Variants in RBM4 observed in about 807,000 individuals in gnomAD.
The protein encoded by RBM4 is RNA-binding protein 4.
Under a neutral mutation model 29.5 loss-of-function variants are expected in RBM4, and 7 were observed. That is an observed-to-expected ratio of 0.24 (90% CI 0.14 to 0.45). The LOEUF (loss-of-function observed/expected upper bound fraction) is 0.45, where lower values mean the gene tolerates loss of function less well. RBM4 is among the 20% of genes least tolerant of loss of function. The pLI is 1.00. For missense variants in RBM4, 387 were observed against 502.3 expected (o/e 0.77, Z 2.19); for synonymous variants, 220 against 205.4 (o/e 1.07, Z -0.61).
At chr11:66,652,025 C>T (rs890045733) in intron 2 of RBM4, among the ~76,000 whole-genome samples, 5 of 152,054 alleles carry the variant, frequency 3.3e-5, no homozygotes, top group Admixed American at 1.3e-4. Context: ...TAGTTATGAT[C>T]GTAGCAGCTC....
chr11:66,650,069 C>G (rs911552673), downstream of RBM4: 3 of 419,050 alleles, frequency 7.2e-6, no homozygotes, highest in African/African-American at 4.1e-5. Context: ...CCTCACTGTG[C>G]CTCCACAAGC....
intron 3 of RBM4, among the ~76,000 whole-genome samples, chr11:66,645,706 G>C (rs1379178684): frequency 3.3e-5 from 5 of 152,042 alleles, no homozygotes; most frequent in Non-Finnish European, 7.4e-5. Flanking sequence ...TCTGCTGACA[G>C]CTTGTGATGT....
rs138490390 is a variant in RBM4 at position 66,652,671 on chromosome 11, C to T, written c.412+12548C>T. 8.5e-5 allele frequency among the ~76,000 whole-genome samples: 13 copies of T among 152,260 alleles called. 1 individual carries two copies. Among genetic ancestry groups the T allele is most frequent in the East Asian group, 1.9e-4 (1 of 5,186 alleles). ...TGCAAATCTGACAGGAATAGGGACT[C>T]GTGTTACTTTATGGCAGGTAAATAG... is the stretch of plus-strand genomic sequence containing the variant. On this transcript the variant is annotated intron_variant, in intron 2 of 2. Transcript: ENST00000396053.
exon 3 of RBM4, chr11:66,666,181 A>C (rs1005301733): frequency 2.4e-5 from 20 of 842,372 alleles, no homozygotes; most frequent in Non-Finnish European, 3.2e-5. Context: ...TTGCCAAATC[A>C]AAAGAAATCA....
At chr11:66,661,413 C>A (rs1939081257) in intron 2 of RBM4, among the ~76,000 whole-genome samples, 1 of 152,162 alleles carries the variant, frequency 6.6e-6, no homozygotes, top group Admixed American at 6.5e-5. Context: ...ATCTTGCAGG[C>A]AGCCAACCTT....
chr11:66,660,820 A>AT (rs1446636369), intron 2 of RBM4, among the ~76,000 whole-genome samples: 4 of 151,180 alleles, frequency 2.6e-5, no homozygotes, highest in African/African-American at 7.3e-5. Context: ...TACCTGGCTA[A>AT]TTTTTTTTGT....
chr11:66,642,433 TAA>T (rs1938508301), intron 2 of RBM4, among the ~76,000 whole-genome samples: 1 of 152,244 alleles, frequency 6.6e-6, no homozygotes, highest in African/African-American at 2.4e-5. Context: ...AGAGACTTAC[TAA>T]AACTTAGTTT....
At chr11:66,650,979 A>G (rs1220950626), downstream of RBM4, among the ~76,000 whole-genome samples, 1 of 152,196 alleles carries the variant, frequency 6.6e-6, no homozygotes, top group Non-Finnish European at 1.5e-5. Flanking sequence ...CAGAGATGGC[A>G]TCACTGGACT....
intron 3 of RBM4, 53 bp from the exon 4 acceptor site, chr11:66,645,974 G>A: frequency 1.3e-6 from 2 of 1,535,718 alleles, no homozygotes; most frequent in South Asian, 1.2e-5. Context: ...GTTTTAAATG[G>A]GAAAGCCCTT....
At chr11:66,649,678 G>T (rs963215433), downstream of RBM4, 7 of 695,078 alleles carry the variant, frequency 1.0e-5, no homozygotes, top group Non-Finnish European at 1.8e-5. Flanking sequence ...AATTGACAAG[G>T]TTATGCTGCC....
At chr11:66,656,478 TGTCA>T (rs1373042988) in intron 2 of RBM4, among the ~76,000 whole-genome samples, 1 of 152,098 alleles carries the variant, frequency 6.6e-6, no homozygotes, top group Non-Finnish European at 1.5e-5. Flanking sequence ...GGATTCTCCA[TGTCA>T]GTCAGACTGG....
rs1267407772 is a variant in RBM4, at chr11:66,646,094, C to T, written c.*76C>T. On this transcript the variant is annotated 3_prime_UTR_variant, in exon 4 of 4. Transcript: ENST00000310092. The stretch of plus-strand genomic sequence containing the variant: ...TGAGAATACACCCTTCGTGGTACCC[C>T]ATCTCCGGGACGTTCTCGGCTCTGT... The T allele has an allele frequency of 3.3e-6, 5 of 1,535,512 alleles. No individual in the cohort carries two copies. The highest frequency in any genetic ancestry group is 2.4e-5 in the South Asian group (2 of 84,028).
At chr11:66,653,056 C>T (rs1394704557) in intron 2 of RBM4, among the ~76,000 whole-genome samples, 1 of 152,098 alleles carries the variant, frequency 6.6e-6, no homozygotes, top group Non-Finnish European at 1.5e-5. Flanking sequence ...TTGTGTGTGC[C>T]TGCTGGTTTG....
chr11:66,643,143 G>A lies in RBM4; in HGVS notation c.413-307G>A, dbSNP rs1022479687. 2.2e-4 allele frequency among the ~76,000 whole-genome samples: 34 copies of A among 152,286 alleles called. No individual in the cohort carries two copies. The highest frequency in any genetic ancestry group is 6.5e-4 in the African/African-American group (27 of 41,568). On this transcript the variant is annotated intron_variant, in intron 2 of 3. Transcript: ENST00000310092. This position sits in a 1 kb window ranked among gnomAD's most constrained non-coding sequence, Gnocchi z 6.1. ...TTACTTTGACTTCTTTTGACTTTGAGCCGCTGTTTGGAGATGATTTTTACC... is the reference window on the plus strand; with the variant it reads ...TTACTTTGACTTCTTTTGACTTTGAACCGCTGTTTGGAGATGATTTTTACC...
intron 2 of RBM4, among the ~76,000 whole-genome samples, chr11:66,652,784 T>TGAGCACAGGAGTTCCAAGGC (rs1337907485): frequency 2.0e-5 from 3 of 152,132 alleles, no homozygotes; most frequent in Non-Finnish European, 4.4e-5. Context: ...GTGCAAAGAT[T>TGAGCACAGGAGTTCCAAGGC]GAGCACAGGA....
intron 2 of RBM4, among the ~76,000 whole-genome samples, chr11:66,663,808 G>T (rs1418409939): frequency 6.6e-6 from 1 of 151,964 alleles, no homozygotes; most frequent in Non-Finnish European, 1.5e-5. Flanking sequence ...TAGGTCCTTG[G>T]AGAGAATCTG....
chr11:66,648,383 T>C (rs1226427941), downstream of RBM4, among the ~76,000 whole-genome samples: 1 of 149,986 alleles, frequency 6.7e-6, no homozygotes, highest in Non-Finnish European at 1.5e-5. Flanking sequence ...TAGCTGGGCA[T>C]AGTGGTGCGC....
intron 2 of RBM4, among the ~76,000 whole-genome samples, chr11:66,659,567 C>CTGCA (rs1036692451): frequency 6.6e-6 from 1 of 152,164 alleles, no homozygotes; most frequent in Non-Finnish European, 1.5e-5. Context: ...GCATGAGCTA[C>CTGCA]TGCACCTGGC....
chr11:66,650,953 C>T (rs1052417421), downstream of RBM4, among the ~76,000 whole-genome samples: 14 of 152,026 alleles, frequency 9.2e-5, no homozygotes, highest in Non-Finnish European at 1.5e-4. Context: ...ATGCCAGGGG[C>T]GGATGTTGCA....
Sources: gnomAD v4.1 joint callset for allele counts (sites outside exome capture counted in the v4.1 genomes callset) on GRCh38, gnomAD v4.1.1 for gene constraint, Gnocchi (gnomAD v3.1) non-coding constraint, MANE v1.5 for transcripts, NCBI Gene and HGNC (gene_info 2026-07-23, HGNC 2026-07-21) for gene names.